The following DKK2 variants were observed in gnomAD, a reference collection of about 807,000 sequenced individuals.
The protein encoded by DKK2 is dickkopf Wnt signaling pathway inhibitor 2, also known as dickkopf-related protein 2.
DKK2 carries 11 observed loss-of-function variants against 28.1 expected under a neutral mutation model. The observed-to-expected ratio is 0.39, with a 90% CI of 0.25 to 0.65. DKK2 has a LOEUF of 0.65. DKK2 is among the 30% of genes least tolerant of loss of function. The pLI is 0.47. For missense variants in DKK2, 326 were observed against 335.5 expected (o/e 0.97, Z 0.22); for synonymous variants, 135 against 126.5 (o/e 1.07, Z -0.45).
chr4:106,937,212 C>T (rs1258577088), intron 1 of DKK2, among the ~76,000 whole-genome samples: 1 of 147,048 alleles, frequency 6.8e-6, no homozygotes, highest in African/African-American at 2.5e-5. Context: ...GTGCTGTATT[C>T]AGGAAACCCA....
At chr4:107,034,398 G>C (rs1300316207) in intron 1 of DKK2, among the ~76,000 whole-genome samples, 1 of 151,098 alleles carries the variant, frequency 6.6e-6, no homozygotes, top group Non-Finnish European at 1.5e-5. Flanking sequence ...AGGGGGAGCT[G>C]TCATGATTCC....
intron 1 of DKK2, among the ~76,000 whole-genome samples, chr4:107,031,654 C>T (rs1462940024): frequency 1.3e-5 from 2 of 152,010 alleles, no homozygotes; most frequent in East Asian, 1.9e-4. Context: ...ATAAATATCA[C>T]TATTCTAGTC....
intron 1 of DKK2, among the ~76,000 whole-genome samples, chr4:106,940,724 G>A (rs987307228): frequency 6.6e-4 from 100 of 151,882 alleles, no homozygotes; most frequent in African/African-American, 2.4e-3. Context: ...GTCCAACAAT[G>A]ATAGACTGGA....
chr4:107,027,756 A>ATTTTTTTTTTTTTTTTTT lies in DKK2; in HGVS notation c.222+7613_222+7614insAAAAAAAAAAAAAAAAAA, dbSNP rs71590176. 1.2e-3 allele frequency among the ~76,000 whole-genome samples: 169 copies of ATTTTTTTTTTTTTTTTTT among 135,276 alleles called. 10 individuals are homozygous for ATTTTTTTTTTTTTTTTTT. Among genetic ancestry groups the ATTTTTTTTTTTTTTTTTT allele is most frequent in the African/African-American group, 4.4e-3 (161 of 36,316 alleles). The allele number at this position is 135,276 out of a possible 152,430, so 88.7% of individuals were successfully genotyped here. On this transcript the variant is annotated intron_variant, in intron 1 of 3. Transcript: ENST00000285311. The stretch of plus-strand genomic sequence containing the variant: ...TTGCTTATGACCTCCACCTATTATG[A>ATTTTTTTTTTTTTTTTTT]TTTTTTTTTTTTTGAGACAGAGTCT...
rs1485582891 is a variant in DKK2 at position 107,007,727 on chromosome 4, C to T, written c.222+27643G>A. On this transcript the variant is annotated intron_variant, in intron 1 of 3. Coordinates refer to ENST00000285311, the MANE Select transcript of DKK2 (RefSeq NM_014421.3). ...TGAAGACCTTTATAAACTAATGATG[C>T]CTAGATTTTACATCATGAGATTTAA... Among the ~76,000 whole-genome samples the T allele has an allele frequency of 2.0e-5, 3 of 152,132 alleles. No individual in the cohort carries two copies. The East Asian group carries it at 5.8e-4, about 29-fold the overall frequency.
At chr4:107,002,026 G>A (rs1366184341) in intron 1 of DKK2, among the ~76,000 whole-genome samples, 1 of 152,142 alleles carries the variant, frequency 6.6e-6, no homozygotes, top group Non-Finnish European at 1.5e-5. Context: ...CCCAATCAAA[G>A]TTAAGCAGGA....
chr4:106,923,389 T>C lies in DKK2; in HGVS notation c.*565A>G, dbSNP rs1365261807. The C allele has an allele frequency of 2.6e-5, 4 of 152,286 alleles. No homozygotes were observed. The East Asian group carries it at 7.7e-4, about 29-fold the overall frequency. The allele number at this position is 152,286 out of a possible 1,614,324, so 9.4% of individuals were successfully genotyped here. A position where few individuals can be genotyped will look rare whatever the true frequency, so the allele number is the denominator to read the frequency against. ...TGGAAATATTGACTGATTTTTTTCT[T>C]ATCTACCAAGACTCTTGATTGAACA... is the stretch of plus-strand genomic sequence containing the variant. On this transcript the variant is annotated 3_prime_UTR_variant, in exon 4 of 4. Coordinates refer to ENST00000285311, the MANE Select transcript of DKK2 (RefSeq NM_014421.3).
intron 1 of DKK2, among the ~76,000 whole-genome samples, chr4:107,023,616 C>G (rs999865308): frequency 6.6e-6 from 1 of 151,928 alleles, no homozygotes; most frequent in Non-Finnish European, 1.5e-5. Context: ...AAAGAGTGAG[C>G]CCTTGTGTAT....
rs111512586 is a variant in DKK2 at position 107,020,124 on chromosome 4, C to A, written c.222+15246G>T. Among the ~76,000 whole-genome samples the A allele has an allele frequency of 7.9e-3, 1,206 of 152,058 alleles. 11 individuals are homozygous for A. Among genetic ancestry groups the A allele is most frequent in the African/African-American group, 0.026 (1,063 of 41,506 alleles). ...AGGTTCAGGCCATCAAATATAATTT[C>A]TTTTTTTGTGTTGAAAGCTTTTATT... On this transcript the variant is annotated intron_variant, in intron 1 of 3. Coordinates refer to ENST00000285311, the MANE Select transcript of DKK2 (RefSeq NM_014421.3).
chr4:106,997,954 A>G (rs1350700740), intron 1 of DKK2, among the ~76,000 whole-genome samples: 1 of 152,222 alleles, frequency 6.6e-6, no homozygotes, highest in African/African-American at 2.4e-5. Flanking sequence ...TCTAGAGGAC[A>G]TAATGGAGAA....
At chr4:106,992,964 A>T (rs1438849983) in intron 1 of DKK2, among the ~76,000 whole-genome samples, 2 of 152,204 alleles carry the variant, frequency 1.3e-5, no homozygotes, top group Non-Finnish European at 2.9e-5. Context: ...TTGAACAGGG[A>T]TCTTTTTCCA....
intron 1 of DKK2, among the ~76,000 whole-genome samples, chr4:106,956,890 A>T (rs1722602061): frequency 6.6e-6 from 1 of 151,018 alleles, no homozygotes; most frequent in Admixed American, 6.6e-5. Flanking sequence ...ACAAAAGCCA[A>T]AATTGACAAA....
chr4:106,960,191 T>C lies in DKK2; in HGVS notation c.223-34242A>G, dbSNP rs1722666473. Among the ~76,000 whole-genome samples, 4 of 150,556 alleles carry C rather than the reference T, an allele frequency of 2.7e-5. No individual in the cohort carries two copies. The South Asian group carries it at 8.3e-4, about 31-fold the overall frequency. ...ATATAGTAATACTACTATAATAGAA[T>C]ATATATGAGATATGTGATATATATA... On this transcript the variant is annotated intron_variant, in intron 1 of 3. Coordinates refer to ENST00000285311, the MANE Select transcript of DKK2 (RefSeq NM_014421.3).
intron 1 of DKK2, among the ~76,000 whole-genome samples, chr4:107,017,108 C>T (rs1437433928): frequency 6.6e-6 from 1 of 151,814 alleles, no homozygotes; most frequent in African/African-American, 2.4e-5. Context: ...CTGAGTAAAC[C>T]TATGTTGTTT....
intron 1 of DKK2, among the ~76,000 whole-genome samples, chr4:106,935,442 C>G (rs1035727370): frequency 3.3e-5 from 5 of 152,200 alleles, no homozygotes; most frequent in Non-Finnish European, 7.3e-5. Context: ...AGATTATATC[C>G]CACACCTGGC....
chr4:106,944,399 A>G lies in DKK2; in HGVS notation c.223-18450T>C, dbSNP rs141199377. Among the ~76,000 whole-genome samples the G allele has an allele frequency of 2.0e-3, 300 of 152,230 alleles. 2 individuals are homozygous for G. Among genetic ancestry groups the G allele is most frequent in the African/African-American group, 6.9e-3 (287 of 41,544 alleles). On this transcript the variant is annotated intron_variant, in intron 1 of 3. Transcript: ENST00000285311. ...AGGTATTGAACCAAATTCATTTCAA[A>G]TAATGTCTGCAATCTTTGTACACAT...
chr4:107,029,404 C>T (rs927283665), intron 1 of DKK2, among the ~76,000 whole-genome samples: 4 of 152,070 alleles, frequency 2.6e-5, no homozygotes, highest in Admixed American at 6.6e-5. Flanking sequence ...TTAAATGTTT[C>T]ATCATTTATA....
chr4:107,030,722 T>C (rs1723864116), intron 1 of DKK2, among the ~76,000 whole-genome samples: 1 of 152,016 alleles, frequency 6.6e-6, no homozygotes, highest in Admixed American at 6.5e-5. Context: ...AAATGGTAAA[T>C]ATGTTAACTA....
At chr4:106,987,178 T>C (rs1363482993) in intron 1 of DKK2, among the ~76,000 whole-genome samples, 1 of 152,232 alleles carries the variant, frequency 6.6e-6, no homozygotes, top group African/African-American at 2.4e-5. Flanking sequence ...TCCATATTCA[T>C]ATACATATAT....
Sources: gnomAD v4.1 joint callset for allele counts (sites outside exome capture counted in the v4.1 genomes callset) on GRCh38, gnomAD v4.1.1 for gene constraint, MANE v1.5 for transcripts, NCBI Gene and HGNC (gene_info 2026-07-23, HGNC 2026-07-21) for gene names.